Variants in NRXN3 observed in about 807,000 individuals in gnomAD.
NRXN3 encodes the protein neurexin III.
Under a neutral mutation model 137.6 loss-of-function variants are expected in NRXN3, and 32 were observed. The ratio of observed to expected loss-of-function variants is 0.23; its 90% CI spans 0.18 to 0.31. The LOEUF (loss-of-function observed/expected upper bound fraction) is 0.31. Among genes scored for constraint, NRXN3 ranks in the 10% least tolerant of loss-of-function variants. The pLI is 1.00. For synonymous variants in NRXN3, 798 were observed against 784.5 expected (o/e 1.02, Z -0.29); for missense variants, 1,574 against 2,062.5 (o/e 0.76, Z 4.59).
At chr14:79,222,345 G>C (rs984236300) in intron 15 of NRXN3, among the ~76,000 whole-genome samples, 1 of 151,588 alleles carries the variant, frequency 6.6e-6, no homozygotes, top group Non-Finnish European at 1.5e-5. Context: ...TACTTTTTAT[G>C]GTTCAATAGC....
intron 16 of NRXN3, among the ~76,000 whole-genome samples, chr14:79,495,012 C>A (rs1352288518): frequency 6.6e-6 from 1 of 152,284 alleles, no homozygotes; most frequent in South Asian, 2.1e-4. Flanking sequence ...TCTATCTTTC[C>A]TTTCTCCACT....
chr14:78,818,636 T>G (rs2098941680), intron 10 of NRXN3, among the ~76,000 whole-genome samples: 2 of 152,198 alleles, frequency 1.3e-5, no homozygotes, highest in African/African-American at 4.8e-5. Flanking sequence ...TGAAGGAAGA[T>G]GAACGTGTAT....
chr14:78,288,130 C>A (rs1394184682), intron 3 of NRXN3, among the ~76,000 whole-genome samples: 1 of 152,128 alleles, frequency 6.6e-6, no homozygotes, highest in South Asian at 2.1e-4. Flanking sequence ...CAGGCACCCA[C>A]TACCACACCT....
chr14:79,558,958 C>T (rs898998793), intron 16 of NRXN3, among the ~76,000 whole-genome samples: 3 of 152,130 alleles, frequency 2.0e-5, no homozygotes, highest in African/African-American at 7.2e-5. Context: ...TTCCTTAAAC[C>T]TCATGAACAA....
At chr14:79,572,477 C>T (rs1027807874) in intron 16 of NRXN3, among the ~76,000 whole-genome samples, 2 of 152,070 alleles carry the variant, frequency 1.3e-5, no homozygotes, top group Non-Finnish European at 1.5e-5. Flanking sequence ...GCCATTCCTC[C>T]CCATTAGTAC....
At chr14:79,421,562 G>A (rs977787757) in intron 15 of NRXN3, among the ~76,000 whole-genome samples, 2 of 152,204 alleles carry the variant, frequency 1.3e-5, no homozygotes, top group African/African-American at 2.4e-5. Flanking sequence ...GAGCTGAAGT[G>A]AGCAGAAGCC....
At chr14:79,130,009 T>C (rs1296212677) in intron 15 of NRXN3, among the ~76,000 whole-genome samples, 1 of 151,900 alleles carries the variant, frequency 6.6e-6, no homozygotes, top group Non-Finnish European at 1.5e-5. Flanking sequence ...ACCCCTGCCT[T>C]TTTTTGTTTT....
intron 10 of NRXN3, among the ~76,000 whole-genome samples, chr14:78,843,356 T>A (rs552720405): frequency 3.9e-4 from 59 of 152,280 alleles, no homozygotes; most frequent in African/African-American, 1.3e-3. Flanking sequence ...ACACGTATTC[T>A]TTTTAGCTTA....
chr14:79,256,728 T>G (rs1383465711), intron 15 of NRXN3, among the ~76,000 whole-genome samples: 2 of 152,220 alleles, frequency 1.3e-5, no homozygotes, highest in Non-Finnish European at 1.5e-5. Context: ...TTCTCTCGGG[T>G]CACAATTGAA....
intron 15 of NRXN3, among the ~76,000 whole-genome samples, chr14:79,381,523 TG>T (rs1405832526): frequency 6.6e-6 from 1 of 152,174 alleles, no homozygotes; most frequent in African/African-American, 2.4e-5. Flanking sequence ...TCTTTTCCTC[TG>T]AGGACGATGA....
At chr14:78,799,797 G>A (rs35949304) in intron 8 of NRXN3, among the ~76,000 whole-genome samples, 4,962 of 152,184 alleles carry the variant, frequency 0.033, 98 homozygotes, top group Non-Finnish European at 0.05. Flanking sequence ...AGAGCTAAGC[G>A]AAAGGGGTTT....
At chr14:78,912,490 C>T (rs577904006) in intron 10 of NRXN3, among the ~76,000 whole-genome samples, 16 of 151,934 alleles carry the variant, frequency 1.1e-4, no homozygotes, top group Non-Finnish European at 2.1e-4. Context: ...CTATAGCAGA[C>T]CTACAATGAA....
intron 16 of NRXN3, among the ~76,000 whole-genome samples, chr14:79,497,524 C>T (rs1351187564): frequency 6.6e-6 from 1 of 152,120 alleles, no homozygotes; most frequent in South Asian, 2.1e-4. Flanking sequence ...CTCCCTTACC[C>T]TGCCTTACTT....
intron 1 of NRXN3, among the ~76,000 whole-genome samples, chr14:78,175,399 TCTC>T (rs1224257374): frequency 6.6e-6 from 1 of 152,098 alleles, no homozygotes; most frequent in African/African-American, 2.4e-5. Flanking sequence ...CCGGCCGTGT[TCTC>T]CTTACATGAC....
At chr14:79,391,243 T>G (rs1389846976) in intron 15 of NRXN3, among the ~76,000 whole-genome samples, 1 of 152,092 alleles carries the variant, frequency 6.6e-6, no homozygotes, top group Non-Finnish European at 1.5e-5. Flanking sequence ...ACACTGGAGA[T>G]TTTCTATCAG....
intron 15 of NRXN3, among the ~76,000 whole-genome samples, chr14:79,001,794 A>T (rs1407684951): frequency 6.6e-6 from 1 of 152,172 alleles, no homozygotes; most frequent in Non-Finnish European, 1.5e-5. Flanking sequence ...GGCATTTGTC[A>T]ATTAATAGAA....
intron 16 of NRXN3, among the ~76,000 whole-genome samples, chr14:79,522,087 T>C (rs181947453): frequency 1.3e-5 from 2 of 152,150 alleles, no homozygotes; most frequent in Non-Finnish European, 1.5e-5. Context: ...CACAGAAACA[T>C]AGACAGAGGA....
At position 78,190,672 on chromosome 14, in the gene NRXN3, ATTACTTACTTACTTGC is replaced by A. The variant is rs1309703917; in HGVS notation, c.-704+20008_-704+20023del. Reference sequence around the variant, plus strand: ...ATTTATTTACTTACTTACTTACTTAATTACTTACTTACTTGCTTACTTACTGAGTCTCACTCTGTTG... The same window carrying A: ...ATTTATTTACTTACTTACTTACTTAATTACTTACTGAGTCTCACTCTGTTG... On this transcript the variant is annotated intron_variant, in intron 1 of 20. Coordinates refer to ENST00000335750, the MANE Select transcript of NRXN3 (RefSeq NM_001330195.2). Among the ~76,000 whole-genome samples, 325 of 132,294 alleles carry A rather than the reference ATTACTTACTTACTTGC, an allele frequency of 2.5e-3. 2 individuals are homozygous for A. Among genetic ancestry groups the A allele is most frequent in the African/African-American group, 8.3e-3 (304 of 36,476 alleles). 86.8% of individuals were successfully genotyped at this position (132,294 alleles called of 152,430 possible).
At chr14:79,204,505 C>T (rs1183036085) in intron 15 of NRXN3, among the ~76,000 whole-genome samples, 5 of 152,032 alleles carry the variant, frequency 3.3e-5, no homozygotes. Flanking sequence ...CATTTGCCTA[C>T]CCAAAGAAAG....
Sources: gnomAD v4.1 joint callset for allele counts (sites outside exome capture counted in the v4.1 genomes callset) on GRCh38, gnomAD v4.1.1 for gene constraint, MANE v1.5 for transcripts, NCBI Gene and HGNC (gene_info 2026-07-23, HGNC 2026-07-21) for gene names.